The following ERC1 variants were observed in gnomAD, a reference collection of about 807,000 sequenced individuals.
ERC1 encodes the protein RAB6 interacting protein 2.
Under a neutral mutation model 132.0 loss-of-function variants are expected in ERC1, and 56 were observed. That is an observed-to-expected ratio of 0.42 (90% CI 0.34 to 0.53). ERC1 has a LOEUF of 0.53. Among genes scored for constraint, ERC1 ranks in the 20% least tolerant of loss-of-function variants. The pLI is 0.03. For synonymous variants in ERC1, 478 were observed against 476.1 expected, an observed-to-expected ratio of 1.00 and a Z score of -0.05; for missense variants, 1,202 against 1,349.9, an observed-to-expected ratio of 0.89 and a Z score of 1.72.
At chr12:1,241,999 C>T (rs1334008248) in intron 13 of ERC1, among the ~76,000 whole-genome samples, 5 of 151,698 alleles carry the variant, frequency 3.3e-5, no homozygotes, top group Admixed American at 3.3e-4. Flanking sequence ...GCTGGGATTA[C>T]ACACCTGGCT....
intron 8 of ERC1, among the ~76,000 whole-genome samples, chr12:1,173,372 A>G (rs1341740393): frequency 6.6e-6 from 1 of 152,162 alleles, no homozygotes; most frequent in African/African-American, 2.4e-5. Context: ...CACCACTGTT[A>G]GAATCGTCGT....
At chr12:1,035,358 C>T (rs946100493) in intron 2 of ERC1, among the ~76,000 whole-genome samples, 4 of 152,132 alleles carry the variant, frequency 2.6e-5, no homozygotes, top group Non-Finnish European at 4.4e-5. Flanking sequence ...GATGTAAAGA[C>T]GCATTTGCTT....
At chr12:1,138,003 T>C (rs1949441384) in intron 7 of ERC1, among the ~76,000 whole-genome samples, 1 of 135,474 alleles carries the variant, frequency 7.4e-6, no homozygotes, top group African/African-American at 2.8e-5. Flanking sequence ...TATATTAATA[T>C]ATAAATGTGT....
chr12:1,354,192 T>C (rs1050553660), intron 15 of ERC1, among the ~76,000 whole-genome samples: 8 of 152,084 alleles, frequency 5.3e-5, no homozygotes, highest in Non-Finnish European at 1.2e-4. Flanking sequence ...GCCTACCAGG[T>C]ATCTCCCCAG....
Position 1,027,970 on chromosome 12 carries a change from A to T in ERC1, c.67A>T (p.Arg23Trp). Residue 23 changes from arginine to tryptophan, a missense_variant, in exon 2 of 19, where the codon AGG becomes TGG. Transcript: ENST00000360905. ...PSSQSPGRSP[R>W]LPRSPRLGHR... ...CAGCCAGAGCCCTGGGCGTTCACCC[A>T]GGCTTCCACGTTCCCCTCGCTTGGG... 1 of 1,614,072 alleles carries T rather than the reference A, an allele frequency of 6.2e-7. No individual in the cohort carries two copies. The highest frequency in any genetic ancestry group is 1.3e-5 in the African/African-American group (1 of 75,024).
chr12:1,452,718 T>C (rs1392383294), intron 18 of ERC1, among the ~76,000 whole-genome samples: 1 of 152,248 alleles, frequency 6.6e-6, no homozygotes, highest in African/African-American at 2.4e-5. Context: ...TTTTTGTGTG[T>C]GTGTCATAAT....
At chr12:1,287,536 A>G (rs1055176060) in intron 14 of ERC1, among the ~76,000 whole-genome samples, 5 of 152,176 alleles carry the variant, frequency 3.3e-5, no homozygotes, top group Admixed American at 3.3e-4. Context: ...CAGTCAGTTA[A>G]AGGCCTGAGT....
chr12:1,475,960 A>G (rs1240992956), intron 18 of ERC1, among the ~76,000 whole-genome samples: 1 of 139,498 alleles, frequency 7.2e-6, no homozygotes, highest in Non-Finnish European at 1.6e-5. Context: ...GTGAGATGTC[A>G]TCTCTTTAAA....
At chr12:1,471,222 C>T (rs891871080) in intron 18 of ERC1, among the ~76,000 whole-genome samples, 3 of 152,140 alleles carry the variant, frequency 2.0e-5, no homozygotes, top group African/African-American at 4.8e-5. Context: ...GCCAAGAGTT[C>T]AAGACCCACC....
At chr12:1,066,779 G>A (rs774575291) in intron 2 of ERC1, among the ~76,000 whole-genome samples, 1 of 149,562 alleles carries the variant, frequency 6.7e-6, no homozygotes, top group East Asian at 2.0e-4. Flanking sequence ...GGAAGTTGCA[G>A]TGAGCTGAGA....
chr12:1,115,027 C>T (rs1039832132), intron 6 of ERC1, among the ~76,000 whole-genome samples: 1 of 152,066 alleles, frequency 6.6e-6, no homozygotes, highest in African/African-American at 2.4e-5. Flanking sequence ...GAAAAGATAA[C>T]TTTTTGTTTC....
At chr12:1,436,321 T>C (rs2092947879) in intron 17 of ERC1, among the ~76,000 whole-genome samples, 1 of 152,220 alleles carries the variant, frequency 6.6e-6, no homozygotes, top group Non-Finnish European at 1.5e-5. Context: ...CATACTTGGC[T>C]CTTTTTTGTA....
intron 2 of ERC1, among the ~76,000 whole-genome samples, chr12:1,076,277 T>G (rs1941318603): frequency 6.6e-6 from 1 of 152,208 alleles, no homozygotes. Context: ...GGTCAAATAT[T>G]GAATAAACCT....
rs779913069 is a variant in ERC1, at chr12:1,104,766, T to G, written c.1103T>G (p.Phe368Cys). 1.1e-5 allele frequency: 17 copies of G among 1,613,180 alleles called. No individual in the cohort carries two copies. Among genetic ancestry groups the G allele is most frequent in the Non-Finnish European group, 1.4e-5 (17 of 1,179,114 alleles). The change falls in exon 4 of 19, where the codon TTT (phenylalanine) becomes TGT (cysteine). Residue 368 changes from phenylalanine to cysteine, a missense_variant. Transcript: ENST00000360905. ...SMLREEMHRR[F>C]ENAPDSAKTK... is the part of the protein sequence containing the mutation. ...TTTCTACAGGAGATGCATCGAAGGT[T>G]TGAGAATGCTCCTGATTCTGCCAAA...
chr12:1,122,588 T>A lies in ERC1; in HGVS notation c.1569+6555T>A, dbSNP rs1382925047. Among the ~76,000 whole-genome samples, 33 of 140,136 alleles carry A rather than the reference T, an allele frequency of 2.4e-4. 1 individual carries two copies. Among genetic ancestry groups the A allele is most frequent in the South Asian group, 6.8e-4 (3 of 4,412 alleles). The allele number at this position is 140,136 out of a possible 152,430, so 91.9% of individuals were successfully genotyped here. A position where few individuals can be genotyped will look rare whatever the true frequency, so the allele number is the denominator to read the frequency against. On this transcript the variant is annotated intron_variant, in intron 7 of 18. Coordinates refer to ENST00000360905, the MANE Select transcript of ERC1 (RefSeq NM_178040.4). ...CTATCTGTGTCTCTATCTCTATCTC[T>A]ATCTCTATCTGTGTCTCTATCTCTA...
chr12:1,292,739 G>A (rs189990132), intron 15 of ERC1, among the ~76,000 whole-genome samples: 77 of 152,296 alleles, frequency 5.1e-4, no homozygotes, highest in African/African-American at 1.7e-3. Context: ...GGCCGGGCAC[G>A]GTGGTTCACA....
intron 8 of ERC1, among the ~76,000 whole-genome samples, chr12:1,153,443 C>A (rs1951018685): frequency 6.6e-6 from 1 of 152,164 alleles, no homozygotes; most frequent in Non-Finnish European, 1.5e-5. Flanking sequence ...CATCCTATTC[C>A]AAAGAGATTG....
chr12:1,197,153 G>A (rs954082112), intron 12 of ERC1, among the ~76,000 whole-genome samples: 1 of 151,164 alleles, frequency 6.6e-6, no homozygotes, highest in African/African-American at 2.4e-5. Flanking sequence ...GCTAATTTTT[G>A]TATTTTCAGT....
At chr12:1,214,957 A>G (rs1038589717) in intron 12 of ERC1, among the ~76,000 whole-genome samples, 1 of 152,046 alleles carries the variant, frequency 6.6e-6, no homozygotes. Context: ...GCTTTTAACC[A>G]CTCTACCATT....
Sources: allele counts gnomAD v4.1 joint callset (sites outside exome capture counted in the v4.1 genomes callset), GRCh38; gene constraint gnomAD v4.1.1; transcripts MANE v1.5; gene names NCBI Gene and HGNC (gene_info 2026-07-23, HGNC 2026-07-21).